ERC2: variants seen among roughly 807,000 people sequenced by gnomAD.
ERC2 encodes ELKS/RAB6-interacting/CAST family member 2.
Under a neutral mutation model 114.8 loss-of-function variants are expected in ERC2, and 42 were observed. That is an observed-to-expected ratio of 0.37 (90% CI 0.29 to 0.47). The LOEUF (loss-of-function observed/expected upper bound fraction) is 0.47. Ranked by LOEUF, ERC2 falls within the 20% of genes least tolerant of loss-of-function variation. The pLI, the probability that ERC2 is intolerant of heterozygous loss-of-function variation, is 0.99. For missense variants in ERC2, 939 were observed against 1,150.7 expected (o/e 0.82, Z 2.66); for synonymous variants, 454 against 425.5 (o/e 1.07, Z -0.82).
intron 14 of ERC2, among the ~76,000 whole-genome samples, chr3:55,768,678 C>T (rs537096940): frequency 5.9e-5 from 9 of 152,074 alleles, no homozygotes; most frequent in African/African-American, 9.7e-5. Context: ...GATGGGAGAA[C>T]GCTAAGTGTA....
chr3:56,019,796 T>C (rs1452272546), intron 7 of ERC2, among the ~76,000 whole-genome samples: 1 of 152,184 alleles, frequency 6.6e-6, no homozygotes. Context: ...ATCATTCATG[T>C]TTTTATTCTC....
intron 13 of ERC2, among the ~76,000 whole-genome samples, chr3:55,930,858 G>A (rs537768006): frequency 1.3e-5 from 2 of 152,192 alleles, no homozygotes; most frequent in South Asian, 4.1e-4. Context: ...CTATCCATCT[G>A]ACAAAGGGCT....
chr3:55,720,146 T>C (rs184348960), intron 15 of ERC2, among the ~76,000 whole-genome samples: 2,295 of 3,638 alleles, frequency 0.63, 919 homozygotes, highest in Middle Eastern at 0.75. Flanking sequence ...CTTCTTCCTC[T>C]TCTTCTTCTT....
intron 15 of ERC2, among the ~76,000 whole-genome samples, chr3:55,729,206 C>T (rs1239058923): frequency 6.6e-6 from 1 of 152,200 alleles, no homozygotes. Context: ...CCCACTCTGA[C>T]AACTCACTTC....
chr3:56,276,895 G>T lies in ERC2; in HGVS notation c.1074+19124C>A, dbSNP rs534161649. On this transcript the variant is annotated intron_variant, in intron 3 of 17. Coordinates refer to ENST00000288221, the MANE Select transcript of ERC2 (RefSeq NM_015576.3). ...TTCTAAGAAAGTTTACAAATTTTGG[G>T]GGGCCACATTCAAAACCATCCTGGG... Among the ~76,000 whole-genome samples the T allele has an allele frequency of 5.9e-4, 90 of 152,242 alleles. 1 individual carries two copies. In the South Asian group the frequency reaches 0.019, roughly 32 times the overall value.
chr3:55,580,276 C>G (rs1007279690), intron 17 of ERC2, among the ~76,000 whole-genome samples: 8 of 149,438 alleles, frequency 5.4e-5, no homozygotes, highest in African/African-American at 2.0e-4. Context: ...CTACTGAGTT[C>G]AATTTGGGGA....
chr3:56,113,123 C>T (rs1284567824), intron 6 of ERC2, among the ~76,000 whole-genome samples: 1 of 152,020 alleles, frequency 6.6e-6, no homozygotes, highest in African/African-American at 2.4e-5. Context: ...CTGACAGGGC[C>T]GAGCATAGCA....
At chr3:55,942,543 C>T (rs1424650002) in intron 13 of ERC2, among the ~76,000 whole-genome samples, 1 of 151,322 alleles carries the variant, frequency 6.6e-6, no homozygotes, top group Admixed American at 6.6e-5. Flanking sequence ...GTGATCCGCC[C>T]GCCTCGGCCT....
At chr3:56,058,052 C>T (rs2076089084) in intron 7 of ERC2, among the ~76,000 whole-genome samples, 1 of 152,150 alleles carries the variant, frequency 6.6e-6, no homozygotes, top group South Asian at 2.1e-4. Context: ...TTCAGAGAAG[C>T]ACTTGTAAAA....
At chr3:56,239,177 T>A (rs185477647) in intron 3 of ERC2, among the ~76,000 whole-genome samples, 1 of 152,214 alleles carries the variant, frequency 6.6e-6, no homozygotes, top group East Asian at 1.9e-4. Flanking sequence ...GGGAAAAAAT[T>A]ATGAAGAGAT....
intron 17 of ERC2, among the ~76,000 whole-genome samples, chr3:55,643,400 A>G (rs1365978883): frequency 7.2e-5 from 11 of 152,198 alleles, no homozygotes; most frequent in African/African-American, 2.4e-4. Context: ...TGTTAGATAA[A>G]AGAGAGTTTC....
At chr3:55,812,802 C>T (rs1238468541) in intron 14 of ERC2, among the ~76,000 whole-genome samples, 1 of 152,242 alleles carries the variant, frequency 6.6e-6, no homozygotes, top group Non-Finnish European at 1.5e-5. Flanking sequence ...TATAATTAAT[C>T]TGCTGACTCT....
chr3:56,235,374 T>C (rs2050875159), intron 3 of ERC2, among the ~76,000 whole-genome samples: 1 of 152,094 alleles, frequency 6.6e-6, no homozygotes, highest in South Asian at 2.1e-4. Context: ...GAACTCAGAG[T>C]GAAGTCACAA....
chr3:56,256,481 T>C (rs2052523954), intron 3 of ERC2, among the ~76,000 whole-genome samples: 1 of 152,168 alleles, frequency 6.6e-6, no homozygotes, highest in African/African-American at 2.4e-5. Flanking sequence ...GAGAGTTTGC[T>C]CTTGATTTCC....
intron 3 of ERC2, among the ~76,000 whole-genome samples, chr3:56,235,272 C>T (rs1264772011): frequency 6.6e-6 from 1 of 152,154 alleles, no homozygotes; most frequent in Non-Finnish European, 1.5e-5. Context: ...AGGTATGGCC[C>T]CTGTCCACAT....
intron 10 of ERC2, chr3:56,003,110 T>C: frequency 7.8e-7 from 1 of 1,289,304 alleles, no homozygotes; most frequent in Admixed American, 2.3e-5. Context: ...GGGTTGTACA[T>C]CTGATTGAAC....
At chr3:55,878,102 T>A (rs917866053) in intron 14 of ERC2, among the ~76,000 whole-genome samples, 1 of 152,204 alleles carries the variant, frequency 6.6e-6, no homozygotes, top group African/African-American at 2.4e-5. Context: ...AAGATAGAGA[T>A]AACATGAAGT....
In ERC2 at chr3:56,049,072, G is replaced by A. The variant is rs572366697; in HGVS notation, c.1642-30041C>T. Among the ~76,000 whole-genome samples the A allele has an allele frequency of 7.2e-5, 11 of 152,264 alleles. No individual in the cohort carries two copies. In the East Asian group the frequency reaches 1.9e-3, roughly 27 times the overall value. On this transcript the variant is annotated intron_variant, in intron 7 of 17. Coordinates refer to ENST00000288221, the MANE Select transcript of ERC2 (RefSeq NM_015576.3). ...CCAAAGGGGGGCAGGCAGTACAGAG[G>A]AGGCCAGTAAGGCAGGCATAGCCCA...
intron 6 of ERC2, among the ~76,000 whole-genome samples, chr3:56,134,271 T>C (rs2080368415): frequency 6.6e-6 from 1 of 152,248 alleles, no homozygotes; most frequent in African/African-American, 2.4e-5. Context: ...CAAGATTCGG[T>C]GTGGAATTAT....
Sources: gnomAD v4.1 joint callset for allele counts (sites outside exome capture counted in the v4.1 genomes callset) on GRCh38, gnomAD v4.1.1 for gene constraint, MANE v1.5 for transcripts, NCBI Gene and HGNC (gene_info 2026-07-23, HGNC 2026-07-21) for gene names.